The following CDC42BPA variants were observed in gnomAD, a reference collection of about 807,000 sequenced individuals.
CDC42BPA encodes CDC42 binding protein kinase alpha, also known as serine/threonine-protein kinase MRCK alpha.
A neutral mutation model predicts 223.5 loss-of-function variants in CDC42BPA; 80 were observed. That is an observed-to-expected ratio of 0.36 (90% CI 0.30 to 0.43). CDC42BPA has a LOEUF of 0.43. CDC42BPA is among the 20% of genes least tolerant of loss of function. CDC42BPA has a pLI of 1.00. For missense variants in CDC42BPA, 1,743 were observed against 2,099.9 expected (o/e 0.83, Z 3.32); for synonymous variants, 694 against 718.6 (o/e 0.97, Z 0.55).
At chr1:227,024,902 A>G (rs543478552) in intron 31 of CDC42BPA, among the ~76,000 whole-genome samples, 1 of 152,336 alleles carries the variant, frequency 6.6e-6, no homozygotes, top group East Asian at 1.9e-4. Context: ...TCTTTCACAA[A>G]GGCCATATAT....
At chr1:227,045,510 T>C (rs963000985) in intron 23 of CDC42BPA, among the ~76,000 whole-genome samples, 3 of 152,222 alleles carry the variant, frequency 2.0e-5, no homozygotes, top group Admixed American at 6.5e-5. Flanking sequence ...ACATGTCTTT[T>C]AGTTACAGGA....
intron 10 of CDC42BPA, among the ~76,000 whole-genome samples, chr1:227,129,700 T>TGC (rs1355693287): frequency 7.3e-5 from 7 of 96,042 alleles, no homozygotes; most frequent in Admixed American, 1.1e-4. Flanking sequence ...AAAAATCCAC[T>TGC]GCATATATAT....
At chr1:227,205,876 C>G (rs969024386) in intron 3 of CDC42BPA, among the ~76,000 whole-genome samples, 1 of 151,980 alleles carries the variant, frequency 6.6e-6, no homozygotes. Context: ...TAGTGAGACC[C>G]CATCTCTAAA....
intron 21 of CDC42BPA, among the ~76,000 whole-genome samples, chr1:227,065,533 A>G (rs1169898076): frequency 6.6e-6 from 1 of 152,264 alleles, no homozygotes; most frequent in Non-Finnish European, 1.5e-5. Flanking sequence ...TGTGACTTAA[A>G]AAGGAAAGCA....
intron 30 of CDC42BPA, among the ~76,000 whole-genome samples, 163 bp downstream of exon 30, chr1:227,028,494 A>C (rs937361998): frequency 6.6e-6 from 1 of 152,270 alleles, no homozygotes; most frequent in African/African-American, 2.4e-5. Flanking sequence ...GCCTAACTAC[A>C]TATGGTTTTT....
intron 4 of CDC42BPA, among the ~76,000 whole-genome samples, chr1:227,194,392 C>A (rs1301873257): frequency 6.6e-6 from 1 of 152,078 alleles, no homozygotes; most frequent in East Asian, 1.9e-4. Flanking sequence ...TCAGTAAGAA[C>A]TTTATTAGAA....
chr1:227,225,129 CTA>C (rs1383927349), intron 2 of CDC42BPA, among the ~76,000 whole-genome samples: 8 of 152,164 alleles, frequency 5.3e-5, no homozygotes, highest in Admixed American at 1.3e-4. Flanking sequence ...GGGAAAAAGA[CTA>C]AATATTTGGT....
chr1:227,190,796 T>C (rs1275479421), intron 5 of CDC42BPA, among the ~76,000 whole-genome samples: 2 of 151,996 alleles, frequency 1.3e-5, no homozygotes, highest in Non-Finnish European at 2.9e-5. Flanking sequence ...AAGGAGCACA[T>C]TAACACAATG....
At chr1:227,153,843 C>T (rs6426570) in intron 6 of CDC42BPA, among the ~76,000 whole-genome samples, 137,025 of 151,916 alleles carry the variant, frequency 0.9, 62,240 homozygotes, top group Middle Eastern at 0.95. Context: ...AGTTAACAGA[C>T]AACTGTACTA....
At chr1:227,032,003 T>C (rs1416966856) in intron 27 of CDC42BPA, among the ~76,000 whole-genome samples, 4 of 152,224 alleles carry the variant, frequency 2.6e-5, no homozygotes, top group Non-Finnish European at 2.9e-5. Flanking sequence ...AAGTCTGGGA[T>C]CTTGTGCCCA....
intron 21 of CDC42BPA, among the ~76,000 whole-genome samples, chr1:227,053,185 G>A (rs916737318): frequency 7.9e-5 from 12 of 152,198 alleles, no homozygotes; most frequent in African/African-American, 2.9e-4. Context: ...TGTATGATAT[G>A]TTGCATATGT....
intron 15 of CDC42BPA, among the ~76,000 whole-genome samples, chr1:227,092,488 T>C (rs1223918183): frequency 3.9e-5 from 6 of 152,196 alleles, no homozygotes; most frequent in African/African-American, 1.4e-4. Context: ...TTCACATGCA[T>C]TACGTTCTAT....
chr1:227,110,518 C>G (rs538918661), intron 14 of CDC42BPA, among the ~76,000 whole-genome samples: 1 of 152,092 alleles, frequency 6.6e-6, no homozygotes, highest in South Asian at 2.1e-4. Context: ...GTTAGAAAAC[C>G]TGGGTTTACA....
intron 3 of CDC42BPA, among the ~76,000 whole-genome samples, chr1:227,209,287 T>G (rs1479781769): frequency 6.7e-6 from 1 of 150,296 alleles, no homozygotes; most frequent in Non-Finnish European, 1.5e-5. Flanking sequence ...AGATATATAA[T>G]CATGTCGTCT....
chr1:227,317,659 G>A lies in CDC42BPA; in HGVS notation c.-477C>T. On this transcript the variant is annotated 5_prime_UTR_variant, in exon 1 of 37. Coordinates refer to ENST00000366766, the MANE Select transcript of CDC42BPA (RefSeq NM_001394014.1). The stretch of plus-strand genomic sequence containing the variant: ...GGGAAGAAGAAAAACAGAAAAGGGA[G>A]GAAAAAAACAGAATGCATAGAAGGG... The A allele has an allele frequency of 7.6e-6, 3 of 395,334 alleles. No individual in the cohort carries two copies. The highest frequency in any genetic ancestry group is 1.3e-5 in the Non-Finnish European group (3 of 224,382). 24.5% of individuals were successfully genotyped at this position (395,334 alleles called of 1,614,324 possible). A position where few individuals can be genotyped will look rare whatever the true frequency, so the allele number is the denominator to read the frequency against.
intron 27 of CDC42BPA, among the ~76,000 whole-genome samples, chr1:227,031,963 TAAATC>T (rs1669371543): frequency 6.6e-6 from 1 of 152,198 alleles, no homozygotes; most frequent in Non-Finnish European, 1.5e-5. Flanking sequence ...GCAAAGAAAT[TAAATC>T]ATTTCTCCAA....
intron 30 of CDC42BPA, among the ~76,000 whole-genome samples, chr1:227,026,923 G>C (rs1668362702): frequency 6.6e-6 from 1 of 151,942 alleles, no homozygotes; most frequent in South Asian, 2.1e-4. Flanking sequence ...TTGGGTAGTT[G>C]GGACAACAGG....
intron 2 of CDC42BPA, among the ~76,000 whole-genome samples, chr1:227,215,313 T>TA (rs998725680): frequency 6.6e-6 from 1 of 152,214 alleles, no homozygotes; most frequent in Non-Finnish European, 1.5e-5. Flanking sequence ...GAAGCCAGAC[T>TA]ACTTGGGTTT....
At chr1:227,241,996 A>T (rs1459243189) in intron 2 of CDC42BPA, among the ~76,000 whole-genome samples, 2 of 152,170 alleles carry the variant, frequency 1.3e-5, no homozygotes, top group Admixed American at 1.3e-4. Flanking sequence ...AAAATGTAAG[A>T]TTATAAAATA....
Sources: allele counts gnomAD v4.1 joint callset (sites outside exome capture counted in the v4.1 genomes callset), GRCh38; gene constraint gnomAD v4.1.1; transcripts MANE v1.5; gene names NCBI Gene and HGNC (gene_info 2026-07-23, HGNC 2026-07-21).